ZFYVE28: variants seen among roughly 807,000 people sequenced by gnomAD.
The protein encoded by ZFYVE28 is zinc finger FYVE-type containing 28.
A neutral mutation model predicts 82.1 loss-of-function variants in ZFYVE28; 40 were observed. The ratio of observed to expected loss-of-function variants is 0.49; its 90% CI spans 0.38 to 0.63. The LOEUF (loss-of-function observed/expected upper bound fraction) is 0.63, where lower values mean the gene tolerates loss of function less well. Among genes scored for constraint, ZFYVE28 ranks in the 30% least tolerant of loss-of-function variants. The pLI, the probability that ZFYVE28 is intolerant of heterozygous loss-of-function variation, is 0.00. For missense variants in ZFYVE28, 1,321 were observed against 1,242.1 expected, an observed-to-expected ratio of 1.06 and a Z score of -0.96; for synonymous variants, 612 against 546.1, an observed-to-expected ratio of 1.12 and a Z score of -1.68.
chr4:2,343,505 A>C (rs1271774983), intron 2 of ZFYVE28: 1 of 152,246 alleles, frequency 6.6e-6, no homozygotes, highest in Non-Finnish European at 1.5e-5. Context: ...AATAAAATTC[A>C]ACCAATAAGT....
intron 1 of ZFYVE28, among the ~76,000 whole-genome samples, chr4:2,358,748 C>T (rs1295779332): frequency 6.6e-6 from 1 of 152,150 alleles, no homozygotes; most frequent in Non-Finnish European, 1.5e-5. Context: ...ACATTGAAGT[C>T]CTAACCCCCA....
chr4:2,343,404 A>C (rs1022779436), intron 2 of ZFYVE28: 1 of 152,190 alleles, frequency 6.6e-6, no homozygotes, highest in Non-Finnish European at 1.5e-5. Context: ...GGGAAGCATG[A>C]CCCTTCTCAG....
intron 8 of ZFYVE28, chr4:2,295,768 C>G (rs960923685): frequency 4.6e-5 from 7 of 152,390 alleles, no homozygotes; most frequent in African/African-American, 1.7e-4. Flanking sequence ...ATTGCTCTCA[C>G]AAAAGGAGCT....
At chr4:2,312,346 T>A (rs1466471938) in intron 7 of ZFYVE28, among the ~76,000 whole-genome samples, 1 of 152,044 alleles carries the variant, frequency 6.6e-6, no homozygotes. Context: ...AAAACCAGCC[T>A]GGGCAACATA....
rs371172118 is a variant in ZFYVE28 at position 2,397,408 on chromosome 4, G to A, written c.39+20877C>T. Among the ~76,000 whole-genome samples, 258 of 150,966 alleles carry A rather than the reference G, an allele frequency of 1.7e-3. 3 individuals carry two copies. Among genetic ancestry groups the A allele is most frequent in the African/African-American group, 5.8e-3 (240 of 41,048 alleles). On this transcript the variant is annotated intron_variant, in intron 1 of 12. Coordinates refer to ENST00000290974, the MANE Select transcript of ZFYVE28 (RefSeq NM_020972.3). ...CAGGAGAATCGCTTGAACCCAGGAG[G>A]TGGAGCTTGCAGTGAGCTGAGAGTG...
At chr4:2,304,229 A>G in intron 8 of ZFYVE28, 60 bp downstream of exon 8, 1 of 1,499,612 alleles carries the variant, frequency 6.7e-7, no homozygotes, top group South Asian at 1.3e-5. Flanking sequence ...AGAATGCGCC[A>G]GCACCTGCCC....
At chr4:2,337,586 C>A in intron 4 of ZFYVE28, 90 bp from the exon 5 acceptor site, 5 of 1,023,966 alleles carry the variant, frequency 4.9e-6, no homozygotes, top group South Asian at 1.8e-5. Flanking sequence ...ATTAAAGCTG[C>A]AATGCTGGGC....
Position 2,408,760 on chromosome 4 carries a change from C to T in ZFYVE28, c.39+9525G>A, listed in dbSNP as rs2108684099. ...AGATGCAGCCCTATCCAGATGGCCCCACACTGTGAGTCCTGCCCATATAAG... is the reference window on the plus strand; with the variant it reads ...AGATGCAGCCCTATCCAGATGGCCCTACACTGTGAGTCCTGCCCATATAAG... On this transcript the variant is annotated intron_variant, in intron 1 of 12. Transcript: ENST00000290974. This position sits in a 1 kb window ranked among gnomAD's most constrained non-coding sequence, Gnocchi z 4.3. 6.6e-6 allele frequency among the ~76,000 whole-genome samples: 1 copy of T among 152,270 alleles called. No individual in the cohort carries two copies. The highest frequency in any genetic ancestry group is 1.5e-5 in the Non-Finnish European group (1 of 68,008).
intron 1 of ZFYVE28, among the ~76,000 whole-genome samples, chr4:2,400,725 G>A (rs1731083830): frequency 6.6e-6 from 1 of 152,160 alleles, no homozygotes; most frequent in East Asian, 1.9e-4. Flanking sequence ...GCTGTAGGCT[G>A]GGAGGCTAGG....
intron 1 of ZFYVE28, among the ~76,000 whole-genome samples, chr4:2,404,649 G>A (rs2108678649): frequency 6.6e-6 from 1 of 152,314 alleles, no homozygotes; most frequent in Non-Finnish European, 1.5e-5. Context: ...GAGATGGAAA[G>A]CCAACTGGAG....
At chr4:2,411,355 AT>A (rs1361814876) in intron 1 of ZFYVE28, among the ~76,000 whole-genome samples, 6 of 152,230 alleles carry the variant, frequency 3.9e-5, no homozygotes, top group African/African-American at 1.4e-4. Flanking sequence ...ACTATTCTAC[AT>A]TAATTACCAT....
chr4:2,323,399 G>C (rs571032112), intron 6 of ZFYVE28, among the ~76,000 whole-genome samples: 1 of 152,226 alleles, frequency 6.6e-6, no homozygotes, highest in South Asian at 2.1e-4. Context: ...TGGGTTGTTT[G>C]TCGATTTGTT....
At chr4:2,312,002 G>T (rs747834577) in intron 7 of ZFYVE28, among the ~76,000 whole-genome samples, 4 of 152,188 alleles carry the variant, frequency 2.6e-5, no homozygotes, top group Non-Finnish European at 4.4e-5. Flanking sequence ...TTAGATAAGA[G>T]GATGAAGAAT....
chr4:2,328,329 T>G (rs1720184231), intron 6 of ZFYVE28, among the ~76,000 whole-genome samples: 1 of 152,202 alleles, frequency 6.6e-6, no homozygotes, highest in African/African-American at 2.4e-5. Flanking sequence ...ATGTTCTCAC[T>G]TACTTGTGGA....
At position 2,320,216 on chromosome 4, in the gene ZFYVE28, T is replaced by C; in HGVS notation, c.757A>G (p.Met253Val). The C allele has an allele frequency of 6.5e-7, 1 of 1,526,980 alleles. No individual in the cohort carries two copies. The allele number at this position is 1,526,980 out of a possible 1,614,324, so 94.6% of individuals were successfully genotyped here. A position where few individuals can be genotyped will look rare whatever the true frequency, so the allele number is the denominator to read the frequency against. ...PLNLDRKVED[M>V]SELFRPFHTL... is the part of the protein sequence containing the mutation. ...TGGAAGGGCCGGAACAGCTCGGACA[T>C]GTCTTCCACCTTGCGGTCCAAGTTC... Residue 253 changes from methionine to valine, a missense_variant, in exon 7 of 13, where the codon ATG becomes GTG. Transcript: ENST00000290974. The surrounding 1 kb of genome is among the most constrained non-coding windows in gnomAD (Gnocchi z 5.1).
rs1248776768 is a variant in ZFYVE28 at position 2,320,773 on chromosome 4, G to A, written c.702-502C>T. Among the ~76,000 whole-genome samples the A allele has an allele frequency of 6.6e-6, 1 of 152,122 alleles. No homozygotes were observed. The highest frequency in any genetic ancestry group is 1.5e-5 in the Non-Finnish European group (1 of 68,024). Reference sequence around the variant, plus strand: ...CTGGCCAACGCTCCACAAGCCACGAGACCAAAGCAGCCTCCCCTCATCCCC... The same window carrying A: ...CTGGCCAACGCTCCACAAGCCACGAAACCAAAGCAGCCTCCCCTCATCCCC... On this transcript the variant is annotated intron_variant, in intron 6 of 12. Transcript: ENST00000290974. This position sits in a 1 kb window ranked among gnomAD's most constrained non-coding sequence, Gnocchi z 5.1.
At chr4:2,285,382 C>A (rs574488456) in intron 8 of ZFYVE28, 1 of 152,284 alleles carries the variant, frequency 6.6e-6, no homozygotes. Flanking sequence ...GGGGAACTAA[C>A]ACGTGGCGCT....
At chr4:2,271,039 C>T in intron 12 of ZFYVE28, 183 bp from the exon 13 acceptor site, 3 of 900,780 alleles carry the variant, frequency 3.3e-6, no homozygotes, top group South Asian at 1.7e-5. Flanking sequence ...CCACGTCCTG[C>T]ACCAAGGCTG....
At chr4:2,361,973 T>C (rs1207097990) in intron 1 of ZFYVE28, among the ~76,000 whole-genome samples, 1 of 151,936 alleles carries the variant, frequency 6.6e-6, no homozygotes, top group East Asian at 1.9e-4. Flanking sequence ...CCCCGCCCCA[T>C]GGGCCCCAAC....
Sources: gnomAD v4.1 joint callset for allele counts (sites outside exome capture counted in the v4.1 genomes callset) on GRCh38, gnomAD v4.1.1 for gene constraint, Gnocchi (gnomAD v3.1) non-coding constraint, MANE v1.5 for transcripts, NCBI Gene and HGNC (gene_info 2026-07-23, HGNC 2026-07-21) for gene names.